Variants in MSI2 observed in about 807,000 individuals in gnomAD.
The protein encoded by MSI2 is musashi RNA binding protein 2, also known as RNA-binding protein Musashi homolog 2.
Under a neutral mutation model 45.6 loss-of-function variants are expected in MSI2, and 17 were observed. The observed-to-expected ratio is 0.37, with a 90% confidence interval of 0.26 to 0.56. The LOEUF is 0.56. MSI2 is among the 20% of genes least tolerant of loss of function. The pLI is 0.77. For synonymous variants in MSI2, 156 were observed against 158.2 expected (o/e 0.99, Z 0.11); for missense variants, 293 against 444.2 (o/e 0.66, Z 3.06).
At chr17:57,499,114 G>A (rs1429321913) in intron 6 of MSI2, among the ~76,000 whole-genome samples, 2 of 152,066 alleles carry the variant, frequency 1.3e-5, no homozygotes, top group Non-Finnish European at 2.9e-5. Context: ...GGTGGCTCAT[G>A]CCTGTAATCC....
At chr17:57,542,452 C>A (rs2087070974) in intron 7 of MSI2, among the ~76,000 whole-genome samples, 1 of 152,180 alleles carries the variant, frequency 6.6e-6, no homozygotes, top group Non-Finnish European at 1.5e-5. Context: ...GCATTGGTCA[C>A]CCTGCATGAT....
chr17:57,330,638 T>G (rs1914172072), intron 5 of MSI2, among the ~76,000 whole-genome samples: 1 of 149,304 alleles, frequency 6.7e-6, no homozygotes, highest in Non-Finnish European at 1.5e-5. Flanking sequence ...CTGTGAAGAC[T>G]TTTGTCTCTC....
chr17:57,428,194 T>G (rs72833039), intron 6 of MSI2, among the ~76,000 whole-genome samples: 2 of 152,166 alleles, frequency 1.3e-5, no homozygotes, highest in African/African-American at 4.8e-5. Flanking sequence ...CTTTGGAGAT[T>G]AGATGGTAGG....
intron 11 of MSI2, among the ~76,000 whole-genome samples, chr17:57,665,570 A>G (rs1304556071): frequency 6.6e-6 from 1 of 152,186 alleles, no homozygotes; most frequent in Non-Finnish European, 1.5e-5. Context: ...TGGGTCCTCA[A>G]GGGGCTGCCC....
chr17:57,386,134 C>A (rs928258901), intron 5 of MSI2, among the ~76,000 whole-genome samples: 19 of 152,152 alleles, frequency 1.2e-4, no homozygotes, highest in Non-Finnish European at 2.2e-4. Flanking sequence ...TATAAAGATA[C>A]CCCTATCGAA....
intron 6 of MSI2, among the ~76,000 whole-genome samples, chr17:57,489,134 C>T (rs762851106): frequency 5.3e-5 from 8 of 152,174 alleles, no homozygotes; most frequent in South Asian, 2.1e-4. Context: ...AGTAGACTTC[C>T]GCAAGCCACG....
chr17:57,680,467 C>A lies in MSI2; in HGVS notation c.*950C>A, dbSNP rs983207782. Reference sequence around the variant, plus strand: ...TCTGTGGAAGGAGGCGGGAAGGGAACGTTGGCCAAGTCAGTTACTGAGATG... The same window carrying A: ...TCTGTGGAAGGAGGCGGGAAGGGAAAGTTGGCCAAGTCAGTTACTGAGATG... On this transcript the variant is annotated 3_prime_UTR_variant, in exon 14 of 14. Transcript: ENST00000284073. The A allele has an allele frequency of 8.7e-6, 2 of 228,916 alleles. No individual in the cohort carries two copies. The highest frequency in any genetic ancestry group is 1.7e-5 in the Non-Finnish European group (2 of 115,388). 14.2% of individuals were successfully genotyped at this position (228,916 alleles called of 1,614,324 possible).
chr17:57,334,644 A>C (rs1012178381), intron 5 of MSI2, among the ~76,000 whole-genome samples: 1 of 152,036 alleles, frequency 6.6e-6, no homozygotes, highest in African/African-American at 2.4e-5. Context: ...AAATACAAAA[A>C]TTAGCCGGGC....
chr17:57,412,652 G>T (rs1179560895), intron 6 of MSI2, among the ~76,000 whole-genome samples: 1 of 152,208 alleles, frequency 6.6e-6, no homozygotes, highest in Admixed American at 6.5e-5. Flanking sequence ...GTTCTGCCAT[G>T]CTATCACGAT....
chr17:57,410,548 G>T (rs1164185553), intron 6 of MSI2, among the ~76,000 whole-genome samples: 1 of 151,642 alleles, frequency 6.6e-6, no homozygotes, highest in Non-Finnish European at 1.5e-5. Flanking sequence ...GTAGCGAAAA[G>T]TGAGCTTCTT....
Position 57,345,475 on chromosome 17 carries a change from C to T in MSI2, c.313-55904C>T, listed in dbSNP as rs1915524061. Among the ~76,000 whole-genome samples the T allele has an allele frequency of 2.6e-5, 4 of 151,992 alleles. No individual in the cohort carries two copies. The South Asian group carries it at 6.2e-4, about 24-fold the overall frequency. ...GATATATGTATATTTTCTTATTTCC[C>T]CTTCTTATATAAGAGGTAGTGTAGC... is the stretch of plus-strand genomic sequence containing the variant. On this transcript the variant is annotated intron_variant, in intron 5 of 13. Transcript: ENST00000284073.
At chr17:57,330,969 G>A (rs910719466) in intron 5 of MSI2, among the ~76,000 whole-genome samples, 11 of 150,888 alleles carry the variant, frequency 7.3e-5, no homozygotes, top group Non-Finnish European at 1.6e-4. Context: ...GTGCAGTGGC[G>A]CCATCTTGGT....
chr17:57,507,102 C>T (rs1217342103), intron 6 of MSI2, among the ~76,000 whole-genome samples: 3 of 151,650 alleles, frequency 2.0e-5, no homozygotes, highest in African/African-American at 7.3e-5. Flanking sequence ...ATTTCCCTCC[C>T]TTTTATTTTA....
chr17:57,395,461 T>C (rs1046632965), intron 5 of MSI2, among the ~76,000 whole-genome samples: 8 of 152,220 alleles, frequency 5.3e-5, no homozygotes, highest in African/African-American at 1.9e-4. Flanking sequence ...ATAGTAGTTA[T>C]GGTAGTGATG....
At chr17:57,603,846 G>C (rs1487400769) in intron 8 of MSI2, among the ~76,000 whole-genome samples, 1 of 152,246 alleles carries the variant, frequency 6.6e-6, no homozygotes, top group Non-Finnish European at 1.5e-5. Flanking sequence ...GGCCCAGTCA[G>C]GGTGCTCCTT....
chr17:57,566,130 G>GA (rs2087725928), intron 7 of MSI2: 1 of 152,124 alleles, frequency 6.6e-6, no homozygotes, highest in African/African-American at 2.4e-5. Flanking sequence ...GAGAAATCGA[G>GA]AAGTAGCACG....
At chr17:57,653,019 C>T (rs568915692) in intron 11 of MSI2, among the ~76,000 whole-genome samples, 14 of 152,242 alleles carry the variant, frequency 9.2e-5, no homozygotes, top group African/African-American at 1.4e-4. Context: ...GCAGCTCTGT[C>T]CCCCCACGCC....
At chr17:57,591,255 G>A (rs1042291766) in intron 7 of MSI2, among the ~76,000 whole-genome samples, 1 of 152,162 alleles carries the variant, frequency 6.6e-6, no homozygotes, top group African/African-American at 2.4e-5. Flanking sequence ...GCAATGAGAA[G>A]GAAATAATCA....
chr17:57,633,463 G>A (rs550535056), intron 10 of MSI2, among the ~76,000 whole-genome samples: 17 of 152,336 alleles, frequency 1.1e-4, no homozygotes, highest in African/African-American at 3.1e-4. Context: ...CCCCTCTCAA[G>A]TGAAAATGCC....
Sources: gnomAD v4.1 joint callset for allele counts (sites outside exome capture counted in the v4.1 genomes callset) on GRCh38, gnomAD v4.1.1 for gene constraint, MANE v1.5 for transcripts, NCBI Gene and HGNC (gene_info 2026-07-23, HGNC 2026-07-21) for gene names.